The following CUL3 variants were observed in gnomAD, a reference collection of about 807,000 sequenced individuals.
The protein encoded by CUL3 is cullin-3.
CUL3 carries 19 observed loss-of-function variants against 89.1 expected under a neutral mutation model. The observed-to-expected ratio is 0.21, with a 90% CI of 0.15 to 0.31. CUL3 has a LOEUF of 0.31. CUL3 is among the 10% of genes least tolerant of loss of function. The pLI, the probability that CUL3 is intolerant of heterozygous loss-of-function variation, is 1.00. For missense variants in CUL3, 469 were observed against 942.3 expected, an observed-to-expected ratio of 0.50 and a Z score of 6.58; for synonymous variants, 351 against 308.4, an observed-to-expected ratio of 1.14 and a Z score of -1.45.
At chr2:224,577,845 C>T (rs1003776190) in intron 1 of CUL3, among the ~76,000 whole-genome samples, 1 of 152,130 alleles carries the variant, frequency 6.6e-6, no homozygotes, top group Non-Finnish European at 1.5e-5. Flanking sequence ...TACTGCTACA[C>T]AGAAGTTAAA....
At chr2:224,539,712 T>C (rs1240536705) in intron 2 of CUL3, among the ~76,000 whole-genome samples, 2 of 151,578 alleles carry the variant, frequency 1.3e-5, no homozygotes, top group Non-Finnish European at 2.9e-5. Flanking sequence ...GAAAAGGGTA[T>C]ATACTGTATG....
chr2:224,581,047 AT>A (rs1244413457), intron 1 of CUL3, among the ~76,000 whole-genome samples: 3 of 152,186 alleles, frequency 2.0e-5, no homozygotes, highest in Non-Finnish European at 4.4e-5. Flanking sequence ...TATATTACAT[AT>A]TTTACATTTG....
intron 11 of CUL3, 65 bp downstream of exon 11, chr2:224,500,298 C>G: frequency 6.4e-7 from 1 of 1,562,862 alleles, no homozygotes; most frequent in Non-Finnish European, 8.8e-7. Context: ...TACTAATGTT[C>G]AAATTCATTT....
At chr2:224,553,613 G>C (rs2106297049) in intron 2 of CUL3, among the ~76,000 whole-genome samples, 1 of 152,298 alleles carries the variant, frequency 6.6e-6, no homozygotes, top group East Asian at 1.9e-4. Flanking sequence ...AGTATTTAGA[G>C]GTGGGGCCTT....
chr2:224,571,883 T>C (rs915928768), intron 1 of CUL3, among the ~76,000 whole-genome samples: 2 of 152,220 alleles, frequency 1.3e-5, no homozygotes, highest in African/African-American at 4.8e-5. Flanking sequence ...TTTTTGGAGC[T>C]AGAATAAGCC....
intron 7 of CUL3, among the ~76,000 whole-genome samples, chr2:224,506,515 A>G (rs1229122711): frequency 2.0e-5 from 3 of 152,210 alleles, no homozygotes; most frequent in African/African-American, 7.2e-5. Context: ...TGAAAACAAA[A>G]CATTTTCAAA....
intron 1 of CUL3, among the ~76,000 whole-genome samples, chr2:224,582,109 C>T (rs761769185): frequency 6.6e-6 from 1 of 152,104 alleles, no homozygotes; most frequent in Non-Finnish European, 1.5e-5. Flanking sequence ...GGTTTACAGG[C>T]ATCCGCCACC....
At position 224,514,541 on chromosome 2, in the gene CUL3, T is replaced by C. The variant is rs1213603181; in HGVS notation, c.539+71A>G. On this transcript the variant is annotated intron_variant, in intron 4 of 15. Coordinates refer to ENST00000264414, the MANE Select transcript of CUL3 (RefSeq NM_003590.5). Reference sequence around the variant, plus strand: ...AAACTTTTATTTATTTTAATAAAACTAAGACAGTGAATCGTTCTCAAGATA... The same window carrying C: ...AAACTTTTATTTATTTTAATAAAACCAAGACAGTGAATCGTTCTCAAGATA... The C allele has an allele frequency of 3.1e-6, 4 of 1,280,558 alleles. No homozygotes were observed. The East Asian group carries it at 9.4e-5, about 30-fold the overall frequency. 79.3% of individuals were successfully genotyped at this position (1,280,558 alleles called of 1,614,324 possible). A position where few individuals can be genotyped will look rare whatever the true frequency, so the allele number is the denominator to read the frequency against.
chr2:224,502,693 T>C (rs1257906310), intron 10 of CUL3, among the ~76,000 whole-genome samples: 3 of 152,236 alleles, frequency 2.0e-5, no homozygotes, highest in Admixed American at 6.5e-5. Flanking sequence ...ATTTGTATTA[T>C]CTTTATTAAC....
intron 2 of CUL3, among the ~76,000 whole-genome samples, chr2:224,541,355 G>A (rs1188239805): frequency 1.3e-5 from 2 of 152,154 alleles, no homozygotes; most frequent in Non-Finnish European, 2.9e-5. Flanking sequence ...AACAATGTAA[G>A]TCATTAGGGA....
At chr2:224,497,887 A>C in intron 11 of CUL3, 38 bp from the exon 12 acceptor site, 1 of 1,466,724 alleles carries the variant, frequency 6.8e-7, no homozygotes, top group African/African-American at 1.4e-5. Context: ...AAATCAAACA[A>C]ACTTACACAT....
rs1311288263 is a variant in CUL3 at position 224,585,233 on chromosome 2, G to A, written c.-224C>T. 1.5e-5 allele frequency: 6 copies of A among 388,692 alleles called. No individual in the cohort carries two copies. The highest frequency in any genetic ancestry group is 1.3e-3 in the Middle Eastern group (2 of 1,522). The allele number at this position is 388,692 out of a possible 1,614,324, so 24.1% of individuals were successfully genotyped here. The stretch of plus-strand genomic sequence containing the variant: ...CTGGCGACTCCGATGCGGCTGGGGG[G>A]CTGCGCTGGCGCGGCGGCTCCGCGG... On this transcript the variant is annotated 5_prime_UTR_variant, in exon 1 of 16. Coordinates refer to ENST00000264414, the MANE Select transcript of CUL3 (RefSeq NM_003590.5).
At chr2:224,477,199 T>C (rs1356739655) in intron 15 of CUL3, among the ~76,000 whole-genome samples, 1 of 152,184 alleles carries the variant, frequency 6.6e-6, no homozygotes, top group African/African-American at 2.4e-5. Context: ...CTACAGCTCG[T>C]GTTAAAAAAC....
At chr2:224,551,149 T>C (rs1318185801) in intron 2 of CUL3, among the ~76,000 whole-genome samples, 1 of 151,724 alleles carries the variant, frequency 6.6e-6, no homozygotes, top group Non-Finnish European at 1.5e-5. Context: ...CTCAAACTCC[T>C]GGGCCTCAGC....
At chr2:224,535,688 T>G (rs1221726886) in intron 2 of CUL3, 47 bp from the exon 3 acceptor site, 1 of 1,098,174 alleles carries the variant, frequency 9.1e-7, no homozygotes, top group African/African-American at 1.5e-5. Flanking sequence ...ATCCACACAC[T>G]CGTATATACA....
At chr2:224,517,714 G>C (rs1559163772) in intron 3 of CUL3, among the ~76,000 whole-genome samples, 1 of 152,078 alleles carries the variant, frequency 6.6e-6, no homozygotes, top group Non-Finnish European at 1.5e-5. Flanking sequence ...ATAATAAATT[G>C]TCTAGCATTC....
At chr2:224,580,152 C>A (rs759021668) in intron 1 of CUL3, among the ~76,000 whole-genome samples, 5 of 152,094 alleles carry the variant, frequency 3.3e-5, no homozygotes, top group Non-Finnish European at 7.4e-5. Context: ...CCTCTGCATA[C>A]AAATTAAAAT....
At chr2:224,545,311 T>A (rs1050794271) in intron 2 of CUL3, among the ~76,000 whole-genome samples, 4 of 152,096 alleles carry the variant, frequency 2.6e-5, no homozygotes, top group African/African-American at 9.7e-5. Flanking sequence ...GCAATAGTGA[T>A]CAGAAAAATT....
At chr2:224,524,816 T>C (rs1446874014) in intron 3 of CUL3, among the ~76,000 whole-genome samples, 1 of 151,634 alleles carries the variant, frequency 6.6e-6, no homozygotes, top group Non-Finnish European at 1.5e-5. Context: ...CAACCCAGGA[T>C]CAAAAGTATA....
Sources: gnomAD v4.1 joint callset for allele counts (sites outside exome capture counted in the v4.1 genomes callset) on GRCh38, gnomAD v4.1.1 for gene constraint, MANE v1.5 for transcripts, NCBI Gene and HGNC (gene_info 2026-07-23, HGNC 2026-07-21) for gene names.